Variants in PLG observed in about 807,000 individuals in gnomAD.
The protein encoded by PLG is plasmin.
Under a neutral mutation model 104.4 loss-of-function variants are expected in PLG, and 41 were observed. That is an observed-to-expected ratio of 0.39 (90% CI 0.31 to 0.51). The LOEUF is 0.51. Among genes scored for constraint, PLG ranks in the 20% least tolerant of loss-of-function variants. The pLI is 0.76. For synonymous variants in PLG, 337 were observed against 357.1 expected, an observed-to-expected ratio of 0.94 and a Z score of 0.63; for missense variants, 891 against 1,003.6, an observed-to-expected ratio of 0.89 and a Z score of 1.52.
Position 160,739,156 on chromosome 6 carries a change from A to T in PLG, c.1966A>T (p.Arg656Trp), listed in dbSNP as rs1042346663. 90 of 1,614,040 alleles carry T rather than the reference A, an allele frequency of 5.6e-5. No homozygotes were observed. Among genetic ancestry groups the T allele is most frequent in the Non-Finnish European group, 7.1e-5 (84 of 1,180,038 alleles). Residue 656 changes from arginine (R) to tryptophan (W), a missense_variant, in exon 16 of 19, where the codon AGG (arginine) becomes TGG (tryptophan). Arg to Trp is a moderately radical substitution (Grantham distance 101). Transcript: ENST00000308192. The surrounding 1 kb of genome is among the most constrained non-coding windows in gnomAD (Gnocchi z 4.4). ...EPHVQEIEVS[R>W]LFLEPTRKDI... is the part of the protein sequence containing the mutation. ...GCATGTTCAGGAAATAGAAGTGTCT[A>T]GGCTGTTCTTGGAGCCCACACGAAA...
intron 10 of PLG, among the ~76,000 whole-genome samples, chr6:160,722,939 A>T (rs1777860351): frequency 6.6e-6 from 1 of 152,066 alleles, no homozygotes; most frequent in Non-Finnish European, 1.5e-5. Context: ...CAACCCCTGA[A>T]ATGAAGGTTG....
At chr6:160,710,037 G>T (rs1280754983) in intron 3 of PLG, among the ~76,000 whole-genome samples, 2 of 152,190 alleles carry the variant, frequency 1.3e-5, no homozygotes, top group South Asian at 2.1e-4. Flanking sequence ...CATAAACTAT[G>T]CTCCAGTGCA....
At chr6:160,742,722 G>A (rs760537643) in intron 17 of PLG, among the ~76,000 whole-genome samples, 7 of 151,950 alleles carry the variant, frequency 4.6e-5, no homozygotes, top group African/African-American at 9.7e-5. Context: ...ATTTTTGCCC[G>A]TTCCTATGTC....
chr6:160,713,523 C>A (rs1255745124), intron 5 of PLG: 5 of 240,564 alleles, frequency 2.1e-5, no homozygotes, highest in Non-Finnish European at 4.2e-5. Flanking sequence ...CCTGCCTCAG[C>A]CTCTCAAAGT....
intron 10 of PLG, among the ~76,000 whole-genome samples, chr6:160,729,428 A>G (rs1777964922): frequency 6.6e-6 from 1 of 151,794 alleles, no homozygotes; most frequent in South Asian, 2.1e-4. Flanking sequence ...GAGATCTACA[A>G]GAATATTCAC....
chr6:160,714,342 G>A (rs1444229874), intron 5 of PLG, among the ~76,000 whole-genome samples: 2 of 152,170 alleles, frequency 1.3e-5, no homozygotes, highest in African/African-American at 4.8e-5. Flanking sequence ...GACGGTGCCA[G>A]GTCATTCAGC....
rs756448144 is a variant in PLG, at chr6:160,707,851, TCC to T, written c.292+47_292+48del. 8.0e-6 allele frequency: 10 copies of T among 1,244,410 alleles called. No individual in the cohort carries two copies. In the South Asian group the frequency reaches 1.2e-4, roughly 15 times the overall value. The allele number at this position is 1,244,410 out of a possible 1,614,324, so 77.1% of individuals were successfully genotyped here. A position where few individuals can be genotyped will look rare whatever the true frequency, so the allele number is the denominator to read the frequency against. On this transcript the variant is annotated intron_variant, in intron 3 of 18. Coordinates refer to ENST00000308192, the MANE Select transcript of PLG (RefSeq NM_000301.5). ...CCTCCTCCTACTGTCCTCCCCATCC[TCC>T]CACTCTTCCTCTTTCTCTATTCTAT...
chr6:160,740,902 C>T lies in PLG; in HGVS notation c.2019-409C>T, dbSNP rs1413621023. 6.6e-6 allele frequency among the ~76,000 whole-genome samples: 1 copy of T among 152,152 alleles called. No individual in the cohort carries two copies. The highest frequency in any genetic ancestry group is 6.5e-5 in the Admixed American group (1 of 15,284). ...AGCAAGTTGCTCTGGGCACACAACA[C>T]ATTTGCAATTTTACAGCCTCTTGGT... On this transcript the variant is annotated intron_variant, in intron 16 of 18. Coordinates refer to ENST00000308192, the MANE Select transcript of PLG (RefSeq NM_000301.5). The surrounding 1 kb of genome is among the most constrained non-coding windows in gnomAD (Gnocchi z 5.2).
At chr6:160,714,685 A>G in intron 5 of PLG, 109 bp from the exon 6 acceptor site, 1 of 1,014,196 alleles carries the variant, frequency 9.9e-7, no homozygotes, top group Non-Finnish European at 1.5e-6. Context: ...CATCGGAATG[A>G]GAGGCAAGTC....
At position 160,739,544 on chromosome 6, in the gene PLG, T is replaced by G. The variant is rs1231874645; in HGVS notation, c.2018+336T>G. On this transcript the variant is annotated intron_variant, in intron 16 of 18. Transcript: ENST00000308192. The surrounding 1 kb of genome is among the most constrained non-coding windows in gnomAD (Gnocchi z 4.4). The stretch of plus-strand genomic sequence containing the variant: ...TTCCAGGCTGACAATTCCCCCTTCA[T>G]CATAATATGTTTAAGAGAATCATAT... 6.6e-6 allele frequency among the ~76,000 whole-genome samples: 1 copy of G among 152,172 alleles called. No individual in the cohort carries two copies. Among genetic ancestry groups the G allele is most frequent in the Admixed American group, 6.5e-5 (1 of 15,280 alleles).
intron 17 of PLG, among the ~76,000 whole-genome samples, chr6:160,750,987 C>A (rs555600920): frequency 0.045 from 6,859 of 152,194 alleles, 363 homozygotes; most frequent in African/African-American, 0.12. Context: ...AATGTTCACT[C>A]TCCCTAATTG....
chr6:160,745,710 T>C (rs1778265879), intron 17 of PLG, among the ~76,000 whole-genome samples: 1 of 152,208 alleles, frequency 6.6e-6, no homozygotes, highest in African/African-American at 2.4e-5. Context: ...GCTGGCTTGT[T>C]TGTGTGATGG....
At chr6:160,711,672 G>A (rs866349777) in intron 4 of PLG, 6 of 1,610,622 alleles carry the variant, frequency 3.7e-6, no homozygotes, top group African/African-American at 2.7e-5. Flanking sequence ...GGATATGGAG[G>A]TTTCTTGAAG....
chr6:160,709,778 A>G (rs1777603179), intron 3 of PLG, among the ~76,000 whole-genome samples: 1 of 152,246 alleles, frequency 6.6e-6, no homozygotes, highest in South Asian at 2.1e-4. Context: ...ACTTGCAATC[A>G]TAATACGCAG....
intron 10 of PLG, among the ~76,000 whole-genome samples, chr6:160,730,338 GAGC>G (rs1323554371): frequency 6.6e-6 from 1 of 152,212 alleles, no homozygotes; most frequent in East Asian, 1.9e-4. Context: ...GATGGATTGA[GAGC>G]AGGAGAGGAT....
rs183151401 is a variant in PLG at position 160,737,661 on chromosome 6, G to A, written c.1802+654G>A. ...GCAAGCATAGGAAACAGGCCCATCC[G>A]TCTGCCTGTTTTGCTTCCTCATCTC... On this transcript the variant is annotated intron_variant, in intron 14 of 18. Transcript: ENST00000308192. This position sits in a 1 kb window ranked among gnomAD's most constrained non-coding sequence, Gnocchi z 4.7. Among the ~76,000 whole-genome samples the A allele has an allele frequency of 9.2e-5, 14 of 152,286 alleles. No individual in the cohort carries two copies. The highest frequency in any genetic ancestry group is 4.1e-4 in the South Asian group (2 of 4,822).
chr6:160,751,180 T>C (rs1778393167), intron 17 of PLG, among the ~76,000 whole-genome samples: 1 of 152,182 alleles, frequency 6.6e-6, no homozygotes, highest in Non-Finnish European at 1.5e-5. Flanking sequence ...AATATGTCTA[T>C]GTAATTTATG....
rs183913192 is a variant in PLG, at chr6:160,717,989, C to T, written c.788-305C>T. 1.7e-4 allele frequency among the ~76,000 whole-genome samples: 26 copies of T among 152,314 alleles called. 1 individual carries two copies. In the East Asian group the frequency reaches 3.9e-3, roughly 23 times the overall value. ...TTGTAGGGCTGGGCACGGTGGCTCACGCCTGTAATCCCAGCACTTCCGGAG... is the reference window on the plus strand; with the variant it reads ...TTGTAGGGCTGGGCACGGTGGCTCATGCCTGTAATCCCAGCACTTCCGGAG... On this transcript the variant is annotated intron_variant, in intron 7 of 18. Transcript: ENST00000308192.
At chr6:160,721,724 G>A (rs895086213) in intron 9 of PLG, among the ~76,000 whole-genome samples, 5 of 152,186 alleles carry the variant, frequency 3.3e-5, no homozygotes, top group African/African-American at 1.2e-4. Flanking sequence ...TAGGCCAGTT[G>A]AGCACAGCTC....
Sources: allele counts gnomAD v4.1 joint callset (sites outside exome capture counted in the v4.1 genomes callset), GRCh38; gene constraint gnomAD v4.1.1; non-coding constraint Gnocchi (gnomAD v3.1); transcripts MANE v1.5; gene names NCBI Gene and HGNC (gene_info 2026-07-23, HGNC 2026-07-21).